The following PCDH15 variants were observed in gnomAD, a reference collection of about 807,000 sequenced individuals.
The protein encoded by PCDH15 is protocadherin related 15.
Under a neutral mutation model 178.5 loss-of-function variants are expected in PCDH15, and 129 were observed. That is an observed-to-expected ratio of 0.72 (90% confidence interval 0.63 to 0.84). PCDH15 has a LOEUF of 0.84. Among genes scored for constraint, PCDH15 ranks in the 40% least tolerant of loss-of-function variants. The pLI is 0.00. For missense variants in PCDH15, 2,230 were observed against 2,099.9 expected, an observed-to-expected ratio of 1.06 and a Z score of -1.21; for synonymous variants, 800 against 732.0, an observed-to-expected ratio of 1.09 and a Z score of -1.50.
At chr10:54,470,000 C>T (rs963815404) in intron 3 of PCDH15, among the ~76,000 whole-genome samples, 3 of 152,040 alleles carry the variant, frequency 2.0e-5, no homozygotes, top group Non-Finnish European at 4.4e-5. Context: ...ATACACAGGC[C>T]CTTGAAGGGT....
At chr10:53,857,765 G>A (rs79729629) in intron 27 of PCDH15, among the ~76,000 whole-genome samples, 7,142 of 151,954 alleles carry the variant, frequency 0.047, 557 homozygotes, top group African/African-American at 0.16. Flanking sequence ...GTAGGTAGAG[G>A]TATATATTTA....
At chr10:54,122,684 C>A (rs2041646312) in intron 15 of PCDH15, among the ~76,000 whole-genome samples, 1 of 151,830 alleles carries the variant, frequency 6.6e-6, no homozygotes, top group South Asian at 2.1e-4. Context: ...TAGAACTGAT[C>A]AACAATTTTA....
intron 3 of PCDH15, among the ~76,000 whole-genome samples, chr10:54,494,428 C>A (rs2079917982): frequency 6.6e-6 from 1 of 152,022 alleles, no homozygotes; most frequent in South Asian, 2.1e-4. Context: ...ACTGTTTTTT[C>A]TCCACTGATT....
Position 54,122,665 on chromosome 10 carries a change from A to G in PCDH15, c.1917+10210T>C, listed in dbSNP as rs146058602. Among the ~76,000 whole-genome samples, 860 of 152,292 alleles carry G rather than the reference A, an allele frequency of 5.6e-3. 6 individuals carry two copies. The highest frequency in any genetic ancestry group is 0.019 in the African/African-American group (785 of 41,560). On this transcript the variant is annotated intron_variant, in intron 15 of 37. Transcript: ENST00000644397. ...CTAGAAAACCCTAAAGACTCTCTCA[A>G]TAAGTTATTAGAACTGATCAACAAT... is the stretch of plus-strand genomic sequence containing the variant.
intron 2 of PCDH15, among the ~76,000 whole-genome samples, chr10:54,974,829 G>A (rs1245457236): frequency 6.6e-6 from 1 of 152,138 alleles, no homozygotes; most frequent in Non-Finnish European, 1.5e-5. Context: ...ATAGAAAGTA[G>A]ACATGAATTT....
At chr10:54,186,696 AG>A (rs2048504458) in intron 11 of PCDH15, among the ~76,000 whole-genome samples, 1 of 151,972 alleles carries the variant, frequency 6.6e-6, no homozygotes, top group Non-Finnish European at 1.5e-5. Context: ...AAAAATATTG[AG>A]AAAAAGTTCA....
intron 1 of PCDH15, among the ~76,000 whole-genome samples, chr10:54,784,023 A>T (rs1462304731): frequency 1.6e-5 from 2 of 122,190 alleles, no homozygotes; most frequent in Non-Finnish European, 3.4e-5. Flanking sequence ...GGCAGGAAGG[A>T]GAAGTGTCAA....
chr10:53,871,640 CAT>C (rs1329711852), intron 26 of PCDH15, among the ~76,000 whole-genome samples: 2 of 152,068 alleles, frequency 1.3e-5, no homozygotes, highest in African/African-American at 4.8e-5. Flanking sequence ...TTACTTCAGA[CAT>C]ATTATCACAC....
chr10:54,206,994 A>C (rs1400250752), intron 10 of PCDH15, among the ~76,000 whole-genome samples: 4 of 152,076 alleles, frequency 2.6e-5, no homozygotes, highest in African/African-American at 9.7e-5. Context: ...GCAGACAAGA[A>C]GGCCTTGGCA....
At chr10:55,475,018 C>G (rs1565176858) in intron 2 of PCDH15, among the ~76,000 whole-genome samples, 1 of 152,176 alleles carries the variant, frequency 6.6e-6, no homozygotes, top group South Asian at 2.1e-4. Flanking sequence ...AAATTAGTAC[C>G]TTCACAACAC....
chr10:54,984,204 T>A (rs1332914913), intron 2 of PCDH15, among the ~76,000 whole-genome samples: 1 of 152,170 alleles, frequency 6.6e-6, no homozygotes, highest in African/African-American at 2.4e-5. Flanking sequence ...GATCTTCTCC[T>A]GCCCTCTTGT....
intron 3 of PCDH15, among the ~76,000 whole-genome samples, chr10:54,461,909 A>G (rs909257817): frequency 6.6e-6 from 1 of 152,112 alleles, no homozygotes; most frequent in Non-Finnish European, 1.5e-5. Context: ...TAAGAACTTA[A>G]TATTTAAAAT....
At position 54,899,934 on chromosome 10, in the gene PCDH15, T is replaced by TAA. The variant is rs35510456; in HGVS notation, c.-79-2436_-79-2435dup. ...TGTGCATTCCAATAATAAAGTGCTTTAAAAAAAAAGACATTTAATCAAAGC... is the reference window on the plus strand; with the variant it reads ...TGTGCATTCCAATAATAAAGTGCTTTAAAAAAAAAAAGACATTTAATCAAAGC... On this transcript the variant is annotated intron_variant, in intron 2 of 5. Transcript: ENST00000458638. 7.9e-4 allele frequency among the ~76,000 whole-genome samples: 119 copies of TAA among 150,866 alleles called. 1 individual carries two copies. The Middle Eastern group carries it at 0.031, about 39-fold the overall frequency.
At chr10:55,125,610 G>C (rs1837878547) in intron 2 of PCDH15, among the ~76,000 whole-genome samples, 1 of 151,900 alleles carries the variant, frequency 6.6e-6, no homozygotes, top group Non-Finnish European at 1.5e-5. Context: ...CTTGTCTATT[G>C]GATGAAAAAT....
rs1338901202 is a variant in PCDH15 at position 53,940,926 on chromosome 10, T to G, written c.3172A>C (p.Ile1058Leu). The G allele has an allele frequency of 1.2e-6, 2 of 1,613,710 alleles. No homozygotes were observed. The highest frequency in any genetic ancestry group is 1.7e-6 in the Non-Finnish European group (2 of 1,179,712). ...CTTTGATTAATGGCAGCAGCAGAAA[T>G]TACACCAACCATGGTCCCTTTGGTG... ...LATKGTMVGVISAAAINQSIV... is the reference protein window; with the variant it reads ...LATKGTMVGVLSAAAINQSIV... The change falls in exon 24 of 38, where the codon ATT (isoleucine) becomes CTT (leucine). Residue 1058 changes from isoleucine (I) to leucine (L), a missense_variant. Transcript: ENST00000644397.
chr10:55,348,262 T>C (rs1362385621), intron 2 of PCDH15, among the ~76,000 whole-genome samples: 3 of 152,164 alleles, frequency 2.0e-5, no homozygotes, highest in Admixed American at 6.6e-5. Flanking sequence ...ATAGACTCTT[T>C]TGTCTAGTGG....
intron 1 of PCDH15, among the ~76,000 whole-genome samples, chr10:55,253,265 TG>T (rs1841895225): frequency 6.6e-6 from 1 of 151,820 alleles, no homozygotes; most frequent in Non-Finnish European, 1.5e-5. Flanking sequence ...TGTGTGTGTG[TG>T]TGTGCATGCA....
At position 55,024,556 on chromosome 10, in the gene PCDH15, T is replaced by C. The variant is rs571821364; in HGVS notation, c.-79-127056A>G. On this transcript the variant is annotated intron_variant, in intron 2 of 5. Coordinates refer to the PCDH15 transcript ENST00000458638. The stretch of plus-strand genomic sequence containing the variant: ...CAGATGTGTAATCAGTGATATCATA[T>C]ACATATCTCATTAGCACATGAAATC... Among the ~76,000 whole-genome samples, 14 of 152,106 alleles carry C rather than the reference T, an allele frequency of 9.2e-5. 1 individual carries two copies. The highest frequency in any genetic ancestry group is 3.1e-4 in the African/African-American group (13 of 41,518).
intron 2 of PCDH15, among the ~76,000 whole-genome samples, chr10:54,900,561 T>G (rs907631656): frequency 1.3e-5 from 2 of 152,188 alleles, no homozygotes; most frequent in Non-Finnish European, 2.9e-5. Flanking sequence ...AAATAAAAAT[T>G]GCATTCTACA....
Sources: allele counts gnomAD v4.1 joint callset (sites outside exome capture counted in the v4.1 genomes callset), GRCh38; gene constraint gnomAD v4.1.1; transcripts MANE v1.5; gene names NCBI Gene and HGNC (gene_info 2026-07-23, HGNC 2026-07-21).